PCNX2: variants seen among roughly 807,000 people sequenced by gnomAD.
The protein encoded by PCNX2 is pecanex 2, also known as pecanex-like protein 2.
PCNX2 carries 168 observed loss-of-function variants against 223.8 expected under a neutral mutation model. The observed-to-expected ratio is 0.75, with a 90% CI of 0.66 to 0.85. PCNX2 has a LOEUF of 0.85. Ranked by LOEUF, PCNX2 falls within the 40% of genes least tolerant of loss-of-function variation. The pLI, the probability that PCNX2 is intolerant of heterozygous loss-of-function variation, is 0.00. For synonymous variants in PCNX2, 1,006 were observed against 1,052.6 expected (o/e 0.96, Z 0.86); for missense variants, 2,507 against 2,675.5 (o/e 0.94, Z 1.39).
At chr1:233,067,365 CAAAAAAAAAAAAAAAAAAAAAAAAAA>C (rs750823791) in intron 23 of PCNX2, among the ~76,000 whole-genome samples, 1 of 3,888 alleles carries the variant, frequency 2.6e-4, no homozygotes, top group Non-Finnish European at 5.9e-4. Flanking sequence ...AGAGCTTCAG[CAAAAAAAAAAAAAAAAAAAAAAAAAA>C]AAAAAAAAAA....
Position 233,208,644 on chromosome 1 carries a change from C to T in PCNX2, c.2737G>A (p.Val913Met). Residue 913 changes from valine to methionine, a missense_variant, in exon 13 of 34, where the codon GTG (valine) becomes ATG (methionine). Physicochemically the swap from Val to Met is conservative, Grantham distance 21. Coordinates refer to ENST00000258229, the MANE Select transcript of PCNX2 (RefSeq NM_014801.4). Reference protein sequence around the residue: ...ITYSRPIYFCVLCGLILLLDT... With the variant: ...ITYSRPIYFCMLCGLILLLDT... ...AGAAGCAAAATAAGGCCACACAGCA[C>T]ACAAAAATAGATTGGTCTGCTATAT... 6.2e-7 allele frequency: 1 copy of T among 1,613,644 alleles called. No homozygotes were observed. The highest frequency in any genetic ancestry group is 1.3e-5 in the African/African-American group (1 of 74,928).
At chr1:233,102,360 T>C (rs1031181888) in intron 21 of PCNX2, among the ~76,000 whole-genome samples, 3 of 152,200 alleles carry the variant, frequency 2.0e-5, no homozygotes, top group African/African-American at 7.2e-5. Flanking sequence ...GATATCTTTT[T>C]AATATGGCGA....
intron 1 of PCNX2, among the ~76,000 whole-genome samples, chr1:233,286,322 G>A (rs1004356097): frequency 6.6e-6 from 1 of 152,044 alleles, no homozygotes; most frequent in Admixed American, 6.5e-5. Flanking sequence ...TTGGGTGGGG[G>A]TAGAAGGCAC....
At chr1:233,225,301 G>C (rs959869855) in intron 10 of PCNX2, among the ~76,000 whole-genome samples, 20 of 151,968 alleles carry the variant, frequency 1.3e-4, no homozygotes, top group Non-Finnish European at 2.8e-4. Flanking sequence ...AATATTTAAA[G>C]AACTCTTTCA....
intron 33 of PCNX2, chr1:232,984,689 G>A: frequency 1.9e-6 from 1 of 522,036 alleles, no homozygotes; most frequent in Admixed American, 3.6e-5. Flanking sequence ...GAGACACAGG[G>A]GCTCTGCACG....
At chr1:233,077,671 C>G (rs754714569) in intron 23 of PCNX2, among the ~76,000 whole-genome samples, 5 of 151,872 alleles carry the variant, frequency 3.3e-5, no homozygotes, top group Non-Finnish European at 7.4e-5. Context: ...ACCTCTAAAG[C>G]CAATAATAAT....
At position 232,999,240 on chromosome 1, in the gene PCNX2, T is replaced by G; in HGVS notation, c.5468A>C (p.Gln1823Pro). ...LRNLINSSCD[Q>P]PLGYPMYVSP... ...GACATACATGGGGTACCCCAGGGGC[T>G]GATCGCAGGAGGAGTTAATCAAGTT... The change falls in exon 31 of 34, where the codon CAG (glutamine) becomes CCG (proline). Residue 1823 changes from glutamine to proline, a missense_variant. Gln to Pro is a moderately conservative substitution (Grantham distance 76, BLOSUM62 -1). Around this residue, in one of 3 missense-constraint regions of PCNX2, gnomAD observed 1,372 missense variants for 1,509.4 expected, o/e 0.91. Coordinates refer to ENST00000258229, the MANE Select transcript of PCNX2 (RefSeq NM_014801.4). The G allele has an allele frequency of 6.2e-7, 1 of 1,613,850 alleles. No homozygotes were observed. The highest frequency in any genetic ancestry group is 8.5e-7 in the Non-Finnish European group (1 of 1,179,828).
chr1:233,093,914 C>G (rs1462121251), intron 22 of PCNX2, among the ~76,000 whole-genome samples: 1 of 152,200 alleles, frequency 6.6e-6, no homozygotes, highest in East Asian at 1.9e-4. Context: ...AAATTTAATG[C>G]TCACTGTGCA....
chr1:233,113,033 G>A, intron 21 of PCNX2: 1 of 1,279,340 alleles, frequency 7.8e-7, no homozygotes, highest in Non-Finnish European at 1.0e-6. Context: ...TGTAGGTTCT[G>A]TGCAGGCACT....
At chr1:233,194,457 A>G (rs1680603198) in intron 15 of PCNX2, among the ~76,000 whole-genome samples, 1 of 152,180 alleles carries the variant, frequency 6.6e-6, no homozygotes, top group South Asian at 2.1e-4. Flanking sequence ...AGAAATGTAC[A>G]TTGCAGAAAT....
chr1:233,231,476 A>C (rs1194719755), intron 9 of PCNX2: 1 of 211,392 alleles, frequency 4.7e-6, no homozygotes, highest in African/African-American at 2.4e-5. Context: ...GTTATGTGAA[A>C]GAGAGTAAGT....
intron 21 of PCNX2, among the ~76,000 whole-genome samples, chr1:233,097,796 T>C (rs923077402): frequency 6.6e-6 from 1 of 152,230 alleles, no homozygotes; most frequent in Non-Finnish European, 1.5e-5. Flanking sequence ...AACTCTTGAC[T>C]CACTTCTGTG....
At chr1:233,270,846 G>GA (rs2103009407) in intron 1 of PCNX2, among the ~76,000 whole-genome samples, 1 of 152,110 alleles carries the variant, frequency 6.6e-6, no homozygotes, top group South Asian at 2.1e-4. Context: ...ATGGTAAGAT[G>GA]AAAAAAACAG....
intron 1 of PCNX2, chr1:233,291,744 T>C: frequency 1.0e-6 from 1 of 980,466 alleles, no homozygotes; most frequent in Non-Finnish European, 1.2e-6. Context: ...TGAATCTCCA[T>C]TAATTATCAT....
chr1:233,111,512 G>A (rs561746987), intron 21 of PCNX2, among the ~76,000 whole-genome samples: 3 of 152,126 alleles, frequency 2.0e-5, no homozygotes, highest in Non-Finnish European at 2.9e-5. Context: ...AGGTTCAAGC[G>A]ATCATCCCAC....
At chr1:233,147,336 T>C (rs1030021070) in intron 19 of PCNX2, among the ~76,000 whole-genome samples, 3 of 152,182 alleles carry the variant, frequency 2.0e-5, no homozygotes, top group Non-Finnish European at 2.9e-5. Flanking sequence ...TAATAAAGCA[T>C]GCTAGAGAAA....
intron 1 of PCNX2, chr1:233,290,747 G>T: frequency 3.7e-5 from 36 of 983,722 alleles, no homozygotes; most frequent in Non-Finnish European, 4.3e-5. Context: ...ATCAAAGAAG[G>T]TCTCTAAGAT....
At chr1:233,194,760 C>T (rs111244514) in intron 15 of PCNX2, among the ~76,000 whole-genome samples, 13,152 of 151,982 alleles carry the variant, frequency 0.087, 1,358 homozygotes, top group African/African-American at 0.25. Flanking sequence ...CTCACACCTG[C>T]AATCCCAGCA....
At chr1:233,273,901 G>A (rs754148987) in intron 1 of PCNX2, among the ~76,000 whole-genome samples, 5 of 152,136 alleles carry the variant, frequency 3.3e-5, no homozygotes, top group Non-Finnish European at 5.9e-5. Flanking sequence ...GGGATTACAG[G>A]CGTGAGTCAT....
Sources: allele counts gnomAD v4.1 joint callset (sites outside exome capture counted in the v4.1 genomes callset), GRCh38; gene constraint gnomAD v4.1.1; regional missense constraint gnomAD v4.1.1; transcripts MANE v1.5; gene names NCBI Gene and HGNC (gene_info 2026-07-23, HGNC 2026-07-21).